WDSUB1: variants seen among roughly 807,000 people sequenced by gnomAD.
WDSUB1 encodes the protein WD repeat, sterile alpha motif and U-box domain containing 1.
In WDSUB1, 49 loss-of-function variants were observed where a neutral mutation model predicts 53.9. The ratio of observed to expected loss-of-function variants is 0.91; its 90% CI spans 0.72 to 1.15. The LOEUF (loss-of-function observed/expected upper bound fraction) is 1.15. Ranked by LOEUF, WDSUB1 falls within the 50% of genes most tolerant of loss-of-function variation. The pLI is 0.00. For synonymous variants in WDSUB1, 194 were observed against 200.6 expected (o/e 0.97, Z 0.28); for missense variants, 514 against 562.0 (o/e 0.91, Z 0.86).
rs771631915 is a variant in WDSUB1, at chr2:159,279,894, A to C, written c.450T>G (p.Asn150Lys). 3 of 1,612,658 alleles carry C rather than the reference A, an allele frequency of 1.9e-6. No homozygotes were observed. The East Asian group carries it at 6.7e-5, about 36-fold the overall frequency. ...AGGAGCCAGTGACAAAGAAGCTTCC[A>C]TTAGGAGAAAATGCACATGCCGCCA... ...GSLAACAFSP[N>K]GSFFVTGSSC... Residue 150 changes from asparagine (N) to lysine (K), a missense_variant, in exon 3 of 11, where the codon AAT (asparagine) becomes AAG (lysine). Physicochemically the swap from Asn to Lys is moderately conservative, Grantham distance 94. Coordinates refer to ENST00000359774, the MANE Select transcript of WDSUB1 (RefSeq NM_001128212.3).
chr2:159,238,113 T>C (rs2060536470), intron 10 of WDSUB1, among the ~76,000 whole-genome samples: 1 of 152,228 alleles, frequency 6.6e-6, no homozygotes. Context: ...GAGAATCTTT[T>C]GTTCATATGT....
intron 10 of WDSUB1, among the ~76,000 whole-genome samples, chr2:159,237,405 C>T (rs2060511089): frequency 6.6e-6 from 1 of 152,032 alleles, no homozygotes; most frequent in African/African-American, 2.4e-5. Context: ...CCTGTAATTC[C>T]AGCTACTCAG....
At chr2:159,280,452 G>A (rs2061632880) in intron 2 of WDSUB1, among the ~76,000 whole-genome samples, 1 of 151,964 alleles carries the variant, frequency 6.6e-6, no homozygotes, top group Non-Finnish European at 1.5e-5. Context: ...AGCACTTTGG[G>A]AGGCCGAGGC....
At position 159,235,875 on chromosome 2, in the gene WDSUB1, T is replaced by G. The variant is rs1559517375; in HGVS notation, c.*158A>C. The G allele has an allele frequency of 3.5e-5, 20 of 579,236 alleles. 1 individual carries two copies. The highest frequency in any genetic ancestry group is 4.9e-5 in the Non-Finnish European group (19 of 390,394). 35.9% of individuals were successfully genotyped at this position (579,236 alleles called of 1,614,324 possible). A position where few individuals can be genotyped will look rare whatever the true frequency, so the allele number is the denominator to read the frequency against. On this transcript the variant is annotated 3_prime_UTR_variant, in exon 11 of 11. Coordinates refer to ENST00000359774, the MANE Select transcript of WDSUB1 (RefSeq NM_001128212.3). The stretch of plus-strand genomic sequence containing the variant: ...AAAAGGCTTTTATAGTAAGTCCATG[T>G]GTTTTTTAAAGAATGAAAATTGACA...
intron 9 of WDSUB1, among the ~76,000 whole-genome samples, chr2:159,255,161 AAG>A (rs1427744837): frequency 4.0e-5 from 6 of 151,812 alleles, no homozygotes; most frequent in African/African-American, 1.5e-4. Flanking sequence ...CCCACACAAA[AAG>A]AGATAGAAAA....
chr2:159,259,031 A>G lies in WDSUB1; in HGVS notation c.804+779T>C, dbSNP rs533535023. 8.2e-5 allele frequency among the ~76,000 whole-genome samples: 12 copies of G among 145,658 alleles called. No individual in the cohort carries two copies. The South Asian group carries it at 2.6e-3, about 32-fold the overall frequency. On this transcript the variant is annotated intron_variant, in intron 6 of 10. Coordinates refer to ENST00000359774, the MANE Select transcript of WDSUB1 (RefSeq NM_001128212.3). ...CTTTTGGACAATATTTTTTTCAACT[A>G]CTTTATTTTTGAGACAGGGTCTCAC...
At chr2:159,243,212 A>C (rs2060707096) in intron 10 of WDSUB1, among the ~76,000 whole-genome samples, 1 of 148,128 alleles carries the variant, frequency 6.8e-6, no homozygotes, top group Non-Finnish European at 1.5e-5. Context: ...CGCTAAGAAA[A>C]AAAAGCCACT....
chr2:159,275,769 T>C (rs562811572), intron 3 of WDSUB1, 131 bp from the exon 4 acceptor site: 8 of 666,250 alleles, frequency 1.2e-5, no homozygotes, highest in South Asian at 8.0e-5. Context: ...AGTTAACTTA[T>C]ATCATTTAAC....
chr2:159,273,594 T>C (rs2061484373), intron 4 of WDSUB1, among the ~76,000 whole-genome samples: 2 of 152,014 alleles, frequency 1.3e-5, no homozygotes, highest in African/African-American at 4.8e-5. Context: ...CTAATTTTTG[T>C]ATTTTTGTCA....
intron 9 of WDSUB1, among the ~76,000 whole-genome samples, chr2:159,255,559 G>A (rs1197441516): frequency 6.6e-6 from 1 of 152,140 alleles, no homozygotes; most frequent in Non-Finnish European, 1.5e-5. Context: ...AACCACTTAT[G>A]TGTTTTCACA....
Position 159,268,480 on chromosome 2 carries a change from A to G in WDSUB1, c.770+3222T>C, listed in dbSNP as rs546391332. ...CAGCCACATCTACAATAATGACAAC[A>G]ACATAACTAGTAATTTGGCTGTTTG... On this transcript the variant is annotated intron_variant, in intron 5 of 10. Coordinates refer to ENST00000359774, the MANE Select transcript of WDSUB1 (RefSeq NM_001128212.3). Among the ~76,000 whole-genome samples, 3 of 152,382 alleles carry G rather than the reference A, an allele frequency of 2.0e-5. No individual in the cohort carries two copies. In the South Asian group the frequency reaches 6.2e-4, roughly 32 times the overall value.
chr2:159,267,832 C>G (rs147334265), intron 5 of WDSUB1, among the ~76,000 whole-genome samples: 7 of 152,222 alleles, frequency 4.6e-5, no homozygotes, highest in Non-Finnish European at 8.8e-5. Context: ...ATATGCCTGT[C>G]AATTCTTCTA....
intron 5 of WDSUB1, among the ~76,000 whole-genome samples, chr2:159,271,239 G>A (rs6724613): frequency 0.029 from 4,333 of 152,020 alleles, 196 homozygotes; most frequent in African/African-American, 0.094. Flanking sequence ...ATGTACACCA[G>A]GACATACAAT....
chr2:159,240,810 C>T (rs1056408093), intron 10 of WDSUB1, among the ~76,000 whole-genome samples: 13 of 152,060 alleles, frequency 8.5e-5, no homozygotes, highest in African/African-American at 2.2e-4. Context: ...TCCCTGTACA[C>T]GGGACTTCCA....
chr2:159,237,125 CTG>C (rs1209508312), intron 10 of WDSUB1, among the ~76,000 whole-genome samples: 1 of 152,150 alleles, frequency 6.6e-6, no homozygotes, highest in African/African-American at 2.4e-5. Context: ...TAACATAAAA[CTG>C]AAAGAAATTT....
intron 5 of WDSUB1, among the ~76,000 whole-genome samples, chr2:159,265,315 A>ACT (rs1389291303): frequency 2.1e-5 from 3 of 140,734 alleles, no homozygotes; most frequent in South Asian, 2.5e-4. Context: ...ACACACACAC[A>ACT]CACTCACTCT....
chr2:159,253,534 T>C (rs1053085635), intron 9 of WDSUB1, among the ~76,000 whole-genome samples: 2 of 151,828 alleles, frequency 1.3e-5, no homozygotes, highest in Non-Finnish European at 2.9e-5. Context: ...ATGTCAAACA[T>C]AATAGATATA....
chr2:159,285,700 C>T (rs2061778902), intron 1 of WDSUB1, among the ~76,000 whole-genome samples: 1 of 152,152 alleles, frequency 6.6e-6, no homozygotes, highest in South Asian at 2.1e-4. Context: ...AGCAGGACCC[C>T]ATCAATCAAT....
chr2:159,245,264 T>G (rs1224708802), intron 10 of WDSUB1, among the ~76,000 whole-genome samples: 1 of 152,276 alleles, frequency 6.6e-6, no homozygotes, highest in Non-Finnish European at 1.5e-5. Flanking sequence ...CCGTGGCTCA[T>G]GCTTGTAATA....
Sources: allele counts gnomAD v4.1 joint callset (sites outside exome capture counted in the v4.1 genomes callset), GRCh38; gene constraint gnomAD v4.1.1; transcripts MANE v1.5; gene names NCBI Gene and HGNC (gene_info 2026-07-23, HGNC 2026-07-21).